The following BNC2 variants were observed in gnomAD, a reference collection of about 807,000 sequenced individuals.
The protein encoded by BNC2 is basonuclin zinc finger protein 2, also known as zinc finger protein basonuclin-2.
A neutral mutation model predicts 76.3 loss-of-function variants in BNC2; 20 were observed. That is an observed-to-expected ratio of 0.26 (90% CI 0.18 to 0.38). The LOEUF (loss-of-function observed/expected upper bound fraction) is 0.38, where lower values mean the gene tolerates loss of function less well. Among genes scored for constraint, BNC2 ranks in the 10% least tolerant of loss-of-function variants. The probability of loss-of-function intolerance (pLI) is 1.00; values close to 1 mark genes in which losing one functional copy is unlikely to be tolerated. For synonymous variants in BNC2, 582 were observed against 514.8 expected (o/e 1.13, Z -1.77); for missense variants, 1,382 against 1,399.8 (o/e 0.99, Z 0.20).
intron 1 of BNC2, among the ~76,000 whole-genome samples, chr9:16,833,292 C>T (rs1818626065): frequency 6.6e-6 from 1 of 152,186 alleles, no homozygotes; most frequent in Non-Finnish European, 1.5e-5. Flanking sequence ...TCCAAAAACA[C>T]TCTTCTTGAC....
chr9:16,449,669 A>C (rs1002963237), intron 5 of BNC2, among the ~76,000 whole-genome samples: 2 of 152,234 alleles, frequency 1.3e-5, no homozygotes, highest in Non-Finnish European at 2.9e-5. Flanking sequence ...AAAAATAAAA[A>C]GGCTTTGGCA....
intron 1 of BNC2, among the ~76,000 whole-genome samples, chr9:16,811,288 C>T (rs1484347731): frequency 4.0e-5 from 6 of 149,160 alleles, no homozygotes; most frequent in Non-Finnish European, 7.4e-5. Flanking sequence ...CGGTGGCTCA[C>T]GCCTGTAATC....
chr9:16,808,485 T>TTTC (rs1554739547), intron 1 of BNC2, among the ~76,000 whole-genome samples: 1 of 124,606 alleles, frequency 8.0e-6, no homozygotes, highest in African/African-American at 3.2e-5. Context: ...GCAACTTTTT[T>TTTC]TTTTTTTTTT....
At chr9:16,670,818 G>A (rs1822453992) in intron 3 of BNC2, among the ~76,000 whole-genome samples, 1 of 152,180 alleles carries the variant, frequency 6.6e-6, no homozygotes, top group African/African-American at 2.4e-5. Context: ...AGCTCTCTAT[G>A]CTTTTAGACC....
At chr9:16,474,488 T>C (rs1043521021) in intron 5 of BNC2, among the ~76,000 whole-genome samples, 4 of 151,948 alleles carry the variant, frequency 2.6e-5, no homozygotes, top group African/African-American at 9.7e-5. Context: ...ATAGAGGAGG[T>C]GACAAAGAGG....
chr9:16,570,256 G>A (rs911007369), intron 4 of BNC2, among the ~76,000 whole-genome samples: 11 of 152,142 alleles, frequency 7.2e-5, no homozygotes, highest in African/African-American at 2.7e-4. Flanking sequence ...CCAGCATCTG[G>A]TAGGGAAATA....
intron 5 of BNC2, among the ~76,000 whole-genome samples, chr9:16,438,731 T>A (rs1214466681): frequency 6.6e-6 from 1 of 150,978 alleles, no homozygotes; most frequent in Non-Finnish European, 1.5e-5. Flanking sequence ...TACTTATTAA[T>A]TACAAAGGGA....
At chr9:16,503,108 G>A (rs1006803154) in intron 5 of BNC2, among the ~76,000 whole-genome samples, 1 of 152,154 alleles carries the variant, frequency 6.6e-6, no homozygotes, top group African/African-American at 2.4e-5. Context: ...GTTTGCTACA[G>A]AGAGTATTTG....
chr9:16,847,401 C>CGGGGGGGGGG (rs869051853), intron 1 of BNC2, among the ~76,000 whole-genome samples: 4 of 10,356 alleles, frequency 3.9e-4, no homozygotes, highest in South Asian at 3.3e-3. Flanking sequence ...TTTCTCGGGG[C>CGGGGGGGGGG]GGGGGGGGGG....
chr9:16,450,214 C>T (rs754066340), intron 5 of BNC2, among the ~76,000 whole-genome samples: 1 of 152,184 alleles, frequency 6.6e-6, no homozygotes, highest in Non-Finnish European at 1.5e-5. Context: ...TAGGCCACTG[C>T]TGCATCACAG....
chr9:16,785,949 C>T (rs148804168), intron 1 of BNC2, among the ~76,000 whole-genome samples: 5 of 152,162 alleles, frequency 3.3e-5, no homozygotes, highest in Admixed American at 2.6e-4. Context: ...TTTAGAAGAA[C>T]TGGAGCTTGC....
chr9:16,830,090 CTA>C (rs1343004132), intron 1 of BNC2, among the ~76,000 whole-genome samples: 2 of 152,174 alleles, frequency 1.3e-5, no homozygotes, highest in African/African-American at 4.8e-5. Context: ...AATTTACAAT[CTA>C]TGTGAAAAGC....
intron 3 of BNC2, among the ~76,000 whole-genome samples, chr9:16,697,823 G>C (rs1384297417): frequency 6.6e-6 from 1 of 151,986 alleles, no homozygotes; most frequent in Non-Finnish European, 1.5e-5. Flanking sequence ...GGTATGAGAA[G>C]CTCCTTTAAT....
At chr9:16,428,785 A>C (rs1200074292) in intron 6 of BNC2, among the ~76,000 whole-genome samples, 9 of 152,218 alleles carry the variant, frequency 5.9e-5, no homozygotes, top group Admixed American at 5.9e-4. Flanking sequence ...TCTATAAAGT[A>C]CTAGAGTTAG....
intron 5 of BNC2, among the ~76,000 whole-genome samples, chr9:16,482,133 A>G (rs1423475171): frequency 6.6e-6 from 1 of 152,224 alleles, no homozygotes; most frequent in East Asian, 1.9e-4. Context: ...ATATATGTCA[A>G]TAATAACTAA....
intron 5 of BNC2, among the ~76,000 whole-genome samples, chr9:16,486,417 T>G (rs1181016912): frequency 6.6e-6 from 1 of 152,194 alleles, no homozygotes; most frequent in Non-Finnish European, 1.5e-5. Flanking sequence ...CAGGAAGAAT[T>G]AATACTGAAG....
At chr9:16,803,377 A>T (rs114112266) in intron 1 of BNC2, among the ~76,000 whole-genome samples, 191 of 152,364 alleles carry the variant, frequency 1.3e-3, no homozygotes, top group African/African-American at 4.4e-3. Context: ...TGCCCCAAAA[A>T]GAGCAAAGTT....
intron 3 of BNC2, among the ~76,000 whole-genome samples, chr9:16,611,272 T>C (rs563897165): frequency 6.6e-6 from 1 of 152,272 alleles, no homozygotes; most frequent in East Asian, 1.9e-4. Flanking sequence ...AAAGCATCCA[T>C]CCAGCCAGAG....
intron 1 of BNC2, among the ~76,000 whole-genome samples, chr9:16,782,724 G>A (rs1204247655): frequency 6.6e-6 from 1 of 152,090 alleles, no homozygotes; most frequent in Admixed American, 6.5e-5. Context: ...TGGTACTGTG[G>A]TTGCCTGGTT....
Sources: gnomAD v4.1 joint callset for allele counts (sites outside exome capture counted in the v4.1 genomes callset) on GRCh38, gnomAD v4.1.1 for gene constraint, MANE v1.5 for transcripts, NCBI Gene and HGNC (gene_info 2026-07-23, HGNC 2026-07-21) for gene names.